Variants in SEMA6D observed in about 807,000 individuals in gnomAD.
The protein encoded by SEMA6D is semaphorin-6D.
A neutral mutation model predicts 106.6 loss-of-function variants in SEMA6D; 35 were observed. The ratio of observed to expected loss-of-function variants is 0.33; its 90% CI spans 0.25 to 0.44. The LOEUF (loss-of-function observed/expected upper bound fraction) is 0.44. SEMA6D is among the 20% of genes least tolerant of loss of function. The pLI, the probability that SEMA6D is intolerant of heterozygous loss-of-function variation, is 1.00. For synonymous variants in SEMA6D, 499 were observed against 487.7 expected (o/e 1.02, Z -0.31); for missense variants, 1,185 against 1,345.9 (o/e 0.88, Z 1.87).
intron 1 of SEMA6D, among the ~76,000 whole-genome samples, chr15:47,220,352 A>C (rs142426852): frequency 6.6e-6 from 1 of 152,310 alleles, no homozygotes; most frequent in African/African-American, 2.4e-5. Flanking sequence ...GAGCTAGGTG[A>C]TTGTAGTAAC....
intron 4 of SEMA6D, among the ~76,000 whole-genome samples, chr15:47,689,871 A>G (rs2078548574): frequency 6.6e-6 from 1 of 152,212 alleles, no homozygotes; most frequent in African/African-American, 2.4e-5. Context: ...GCTTTTTGGT[A>G]TGCATAAATG....
chr15:47,274,880 A>G (rs1454839), intron 1 of SEMA6D: 1 of 152,214 alleles, frequency 6.6e-6, no homozygotes, highest in South Asian at 2.1e-4. Context: ...AAGATAAGGA[A>G]TCATTACCTG....
intron 2 of SEMA6D, among the ~76,000 whole-genome samples, chr15:47,437,800 C>A (rs911816695): frequency 1.3e-5 from 2 of 152,068 alleles, no homozygotes; most frequent in Non-Finnish European, 2.9e-5. Context: ...TCAATAAAAA[C>A]CTTGGGCTCT....
At chr15:47,468,545 G>T (rs1300956970) in intron 2 of SEMA6D, among the ~76,000 whole-genome samples, 2 of 152,132 alleles carry the variant, frequency 1.3e-5, no homozygotes, top group Admixed American at 1.3e-4. Flanking sequence ...GATATGAAGT[G>T]AGCTGTGTTA....
chr15:47,625,661 G>T (rs542831835), intron 4 of SEMA6D, among the ~76,000 whole-genome samples: 5 of 151,860 alleles, frequency 3.3e-5, no homozygotes, highest in Non-Finnish European at 7.4e-5. Flanking sequence ...CTATACCCCA[G>T]CCTGGGTGAC....
At chr15:47,534,315 C>T (rs1425071466) in intron 3 of SEMA6D, among the ~76,000 whole-genome samples, 1 of 152,036 alleles carries the variant, frequency 6.6e-6, no homozygotes, top group African/African-American at 2.4e-5. Context: ...CGCAGCCTCC[C>T]TAGTAGCTGG....
chr15:47,622,034 T>A (rs984133646), intron 4 of SEMA6D, among the ~76,000 whole-genome samples: 8 of 152,050 alleles, frequency 5.3e-5, no homozygotes, highest in Non-Finnish European at 1.0e-4. Context: ...AAGTCCCTGG[T>A]GGCACTACTG....
chr15:47,704,958 T>TA (rs896943271), intron 4 of SEMA6D, among the ~76,000 whole-genome samples: 137 of 152,210 alleles, frequency 9.0e-4, no homozygotes, highest in African/African-American at 3.1e-3. Flanking sequence ...AAGTTTTTTT[T>TA]AAAAAAGGTT....
chr15:47,739,358 A>G (rs1004044366), intron 1 of SEMA6D, among the ~76,000 whole-genome samples: 7 of 152,122 alleles, frequency 4.6e-5, no homozygotes, highest in Non-Finnish European at 1.0e-4. Flanking sequence ...AACCTAGTCT[A>G]CCTTTTCCAC....
intron 2 of SEMA6D, among the ~76,000 whole-genome samples, chr15:47,460,989 C>G (rs910660503): frequency 1.3e-5 from 2 of 152,216 alleles, no homozygotes; most frequent in African/African-American, 4.8e-5. Flanking sequence ...CTGCCTACTT[C>G]CTCTTCCTGC....
At chr15:47,708,936 T>G (rs774329947) in intron 4 of SEMA6D, among the ~76,000 whole-genome samples, 52 of 152,322 alleles carry the variant, frequency 3.4e-4, no homozygotes, top group Admixed American at 9.1e-4. Flanking sequence ...TAGTGCTCTA[T>G]AAGAACCAAA....
chr15:47,704,697 C>T (rs146441696), intron 4 of SEMA6D, among the ~76,000 whole-genome samples: 14 of 151,430 alleles, frequency 9.2e-5, no homozygotes, highest in African/African-American at 3.4e-4. Context: ...CCAGCCTGGG[C>T]AACAGAGCCA....
intron 3 of SEMA6D, among the ~76,000 whole-genome samples, chr15:47,589,144 A>C (rs1161287491): frequency 6.6e-6 from 1 of 152,188 alleles, no homozygotes; most frequent in Non-Finnish European, 1.5e-5. Context: ...GCTGAGTCAC[A>C]TGAGGGTCCC....
At chr15:47,242,762 C>G (rs969962142) in intron 1 of SEMA6D, among the ~76,000 whole-genome samples, 1 of 152,068 alleles carries the variant, frequency 6.6e-6, no homozygotes, top group Non-Finnish European at 1.5e-5. Flanking sequence ...AACCCCTGAT[C>G]ATTATACAAA....
At chr15:47,385,051 T>TG in intron 1 of SEMA6D, among the ~76,000 whole-genome samples, 1 of 143,644 alleles carries the variant, frequency 7.0e-6, no homozygotes, top group African/African-American at 2.6e-5. Context: ...TGTAATTTTT[T>TG]TTTTTTTTTT....
At chr15:47,475,221 A>C (rs2042969684) in intron 3 of SEMA6D, among the ~76,000 whole-genome samples, 2 of 152,156 alleles carry the variant, frequency 1.3e-5, no homozygotes, top group Non-Finnish European at 2.9e-5. Context: ...AATCATACCA[A>C]TAGCAATATA....
chr15:47,343,966 A>G (rs191152262), intron 1 of SEMA6D, among the ~76,000 whole-genome samples: 1,677 of 152,304 alleles, frequency 0.011, 13 homozygotes, highest in Non-Finnish European at 0.014. Context: ...ATGCAGCTGA[A>G]AAACACATGA....
chr15:47,487,339 C>T (rs541210200), intron 3 of SEMA6D, among the ~76,000 whole-genome samples: 2 of 152,320 alleles, frequency 1.3e-5, no homozygotes, highest in African/African-American at 4.8e-5. Flanking sequence ...CTCCCTCCAA[C>T]CCCTCTTCTT....
intron 2 of SEMA6D, among the ~76,000 whole-genome samples, chr15:47,454,638 C>T (rs1196059150): frequency 6.8e-6 from 1 of 146,704 alleles, no homozygotes; most frequent in Non-Finnish European, 1.5e-5. Flanking sequence ...GAGCTTTTTA[C>T]CCCATTATTT....
Sources: gnomAD v4.1 joint callset for allele counts (sites outside exome capture counted in the v4.1 genomes callset) on GRCh38, gnomAD v4.1.1 for gene constraint, MANE v1.5 for transcripts, NCBI Gene and HGNC (gene_info 2026-07-23, HGNC 2026-07-21) for gene names.